Variants in RIMS1 observed in about 807,000 individuals in gnomAD.
RIMS1 encodes regulating synaptic membrane exocytosis 1, also known as regulating synaptic membrane exocytosis protein 1.
Under a neutral mutation model 214.1 loss-of-function variants are expected in RIMS1, and 83 were observed. The ratio of observed to expected loss-of-function variants is 0.39; its 90% CI spans 0.32 to 0.47. RIMS1 has a LOEUF of 0.47. RIMS1 is among the 20% of genes least tolerant of loss of function. The probability of loss-of-function intolerance (pLI) is 0.99; values close to 1 mark genes in which losing one functional copy is unlikely to be tolerated. For synonymous variants in RIMS1, 793 were observed against 786.8 expected (o/e 1.01, Z -0.13); for missense variants, 2,050 against 2,161.8 (o/e 0.95, Z 1.03).
chr6:72,285,807 C>T (rs1300368865), intron 24 of RIMS1, among the ~76,000 whole-genome samples: 3 of 152,218 alleles, frequency 2.0e-5, no homozygotes, highest in East Asian at 1.9e-4. Flanking sequence ...TTTTCAGCCC[C>T]CTCTACACAA....
At chr6:71,926,984 A>T (rs1260795581) in intron 1 of RIMS1, among the ~76,000 whole-genome samples, 1 of 152,184 alleles carries the variant, frequency 6.6e-6, no homozygotes, top group Non-Finnish European at 1.5e-5. Flanking sequence ...CTATATCCTG[A>T]GTCTGGATCC....
intron 1 of RIMS1, among the ~76,000 whole-genome samples, chr6:71,939,861 C>T (rs573044166): frequency 3.9e-5 from 6 of 152,236 alleles, no homozygotes; most frequent in South Asian, 2.1e-4. Context: ...CTAATTTGGC[C>T]TCCTGAGATA....
chr6:71,935,853 T>C, intron 1 of RIMS1, among the ~76,000 whole-genome samples: 1 of 152,184 alleles, frequency 6.6e-6, no homozygotes, highest in Non-Finnish European at 1.5e-5. Flanking sequence ...ATTATGGACA[T>C]AGAAATTTTC....
intron 1 of RIMS1, among the ~76,000 whole-genome samples, chr6:71,926,824 A>T (rs933708070): frequency 4.6e-5 from 7 of 152,320 alleles, no homozygotes; most frequent in Non-Finnish European, 8.8e-5. Flanking sequence ...CAAAATCAGG[A>T]TATAATATTT....
At chr6:72,041,167 TA>T (rs1821334317) in intron 2 of RIMS1, among the ~76,000 whole-genome samples, 1 of 151,828 alleles carries the variant, frequency 6.6e-6, no homozygotes, top group African/African-American at 2.4e-5. Context: ...TTTGAAAAAA[TA>T]AACAAACTGA....
chr6:72,174,711 T>A (rs2496499), intron 4 of RIMS1, among the ~76,000 whole-genome samples: 72,688 of 151,832 alleles, frequency 0.48, 18,565 homozygotes, highest in East Asian at 0.83. Flanking sequence ...TGCCATAATA[T>A]TAAATATATA....
intron 6 of RIMS1, among the ~76,000 whole-genome samples, chr6:72,233,331 A>C (rs991090897): frequency 6.6e-6 from 1 of 151,754 alleles, no homozygotes; most frequent in African/African-American, 2.4e-5. Flanking sequence ...AGAGAAGATA[A>C]AGATCAGATA....
chr6:72,180,680 C>T (rs1274232538), intron 5 of RIMS1, among the ~76,000 whole-genome samples: 1 of 152,226 alleles, frequency 6.6e-6, no homozygotes, highest in South Asian at 2.1e-4. Context: ...ACAAAGAAGA[C>T]AGAGCCCTTA....
intron 29 of RIMS1, among the ~76,000 whole-genome samples, chr6:72,343,323 GT>G: frequency 6.6e-6 from 1 of 151,700 alleles, no homozygotes; most frequent in East Asian, 2.0e-4. Flanking sequence ...TGATTCACCT[GT>G]CTTGGGCTGC....
chr6:72,268,097 C>T (rs1027140935), intron 22 of RIMS1, among the ~76,000 whole-genome samples: 2 of 152,024 alleles, frequency 1.3e-5, no homozygotes, highest in African/African-American at 4.8e-5. Flanking sequence ...GATAAGGTTT[C>T]ATCAAGTAAT....
intron 29 of RIMS1, among the ~76,000 whole-genome samples, chr6:72,336,419 A>G (rs112353512): frequency 1.3e-5 from 2 of 151,882 alleles, no homozygotes; most frequent in Non-Finnish European, 2.9e-5. Flanking sequence ...GTTGACTTCA[A>G]ATAACATCTT....
chr6:72,392,321 T>G (rs1035981937), intron 30 of RIMS1, among the ~76,000 whole-genome samples: 1 of 152,224 alleles, frequency 6.6e-6, no homozygotes, highest in African/African-American at 2.4e-5. Context: ...TTGGCCACTT[T>G]AAAAATTTAG....
At chr6:72,241,043 G>A (rs1286464114) in intron 9 of RIMS1, among the ~76,000 whole-genome samples, 1 of 152,090 alleles carries the variant, frequency 6.6e-6, no homozygotes, top group Non-Finnish European at 1.5e-5. Flanking sequence ...GATTACCATA[G>A]TATTTTACCA....
At position 72,402,383 on chromosome 6, in the gene RIMS1, A is replaced by G. The variant is rs2098840195; in HGVS notation, c.*1669A>G. ...GGTGAAATGTCTATAGATGGACTTT[A>G]TTTTTTACCCTCCGGAAAACGTGAT... On this transcript the variant is annotated 3_prime_UTR_variant, in exon 34 of 34. Coordinates refer to ENST00000521978, the MANE Select transcript of RIMS1 (RefSeq NM_014989.7). 6.6e-6 allele frequency: 1 copy of G among 152,492 alleles called. No individual in the cohort carries two copies. Among genetic ancestry groups the G allele is most frequent in the African/African-American group, 2.4e-5 (1 of 41,420 alleles). The allele number at this position is 152,492 out of a possible 1,614,324, so 9.4% of individuals were successfully genotyped here. A position where few individuals can be genotyped will look rare whatever the true frequency, so the allele number is the denominator to read the frequency against.
At chr6:72,169,827 C>T (rs2046780269) in intron 4 of RIMS1, among the ~76,000 whole-genome samples, 1 of 152,174 alleles carries the variant, frequency 6.6e-6, no homozygotes, top group East Asian at 1.9e-4. Context: ...GGATGGATCA[C>T]CTAAGCCAAG....
At chr6:72,267,033 G>A (rs1302969731) in intron 22 of RIMS1, among the ~76,000 whole-genome samples, 2 of 152,032 alleles carry the variant, frequency 1.3e-5, no homozygotes, top group South Asian at 2.1e-4. Context: ...GTACACGTGT[G>A]TATATACCTT....
chr6:72,209,584 GA>G (rs1472709301), intron 6 of RIMS1, among the ~76,000 whole-genome samples: 1 of 152,122 alleles, frequency 6.6e-6, no homozygotes, highest in Non-Finnish European at 1.5e-5. Flanking sequence ...ACTTTGTCTT[GA>G]AATATTTTAA....
chr6:71,954,544 T>C (rs937624880), intron 1 of RIMS1, among the ~76,000 whole-genome samples: 1 of 152,212 alleles, frequency 6.6e-6, no homozygotes, highest in South Asian at 2.1e-4. Flanking sequence ...ATTATTTTCT[T>C]TGAAAAAGTG....
chr6:72,067,669 AC>A (rs1829641674), intron 2 of RIMS1, among the ~76,000 whole-genome samples: 1 of 152,196 alleles, frequency 6.6e-6, no homozygotes, highest in African/African-American at 2.4e-5. Flanking sequence ...GTCTTACTCA[AC>A]ATGATATCCC....
Sources: gnomAD v4.1 joint callset for allele counts (sites outside exome capture counted in the v4.1 genomes callset) on GRCh38, gnomAD v4.1.1 for gene constraint, MANE v1.5 for transcripts, NCBI Gene and HGNC (gene_info 2026-07-23, HGNC 2026-07-21) for gene names.